Variants in SNX2 observed in about 807,000 individuals in gnomAD.
SNX2 encodes sorting nexin-2.
In SNX2, 25 loss-of-function variants were observed where a neutral mutation model predicts 69.9. That is an observed-to-expected ratio of 0.36 (90% confidence interval 0.26 to 0.50). The LOEUF is 0.50. Ranked by LOEUF, SNX2 falls within the 20% of genes least tolerant of loss-of-function variation. The pLI is 0.97. For missense variants in SNX2, 551 were observed against 613.3 expected (o/e 0.90, Z 1.07); for synonymous variants, 229 against 200.4 (o/e 1.14, Z -1.20).
chr5:122,827,469 A>G lies in SNX2; in HGVS notation c.1437+10A>G, dbSNP rs370496841. 4 of 1,611,580 alleles carry G rather than the reference A, an allele frequency of 2.5e-6. No homozygotes were observed. The highest frequency in any genetic ancestry group is 3.4e-6 in the Non-Finnish European group (4 of 1,178,126). ...AGTGGGAAGATTTGAGGCATGTATAATAATTTTGCATTTATCTTAACAACA... is the reference window on the plus strand; with the variant it reads ...AGTGGGAAGATTTGAGGCATGTATAGTAATTTTGCATTTATCTTAACAACA... On this transcript the variant is annotated intron_variant, in intron 13 of 14. Coordinates refer to ENST00000379516, the MANE Select transcript of SNX2 (RefSeq NM_003100.4).
chr5:122,820,233 GTGTC>G (rs1462334496), intron 11 of SNX2, among the ~76,000 whole-genome samples: 1 of 152,156 alleles, frequency 6.6e-6, no homozygotes, highest in Non-Finnish European at 1.5e-5. Flanking sequence ...GAGTTGGGCA[GTGTC>G]TGTAAGAATA....
rs375381703 is a variant in SNX2 at position 122,784,496 on chromosome 5, T to C, written c.108+9285T>C. Among the ~76,000 whole-genome samples the C allele has an allele frequency of 1.1e-4, 17 of 152,168 alleles. No homozygotes were observed. The East Asian group carries it at 3.1e-3, about 28-fold the overall frequency. ...TTCTTTAGTTTATTGATAAGTTAGA[T>C]TATATTGATTTTTTTTTCTTTTTTT... On this transcript the variant is annotated intron_variant, in intron 1 of 14. Transcript: ENST00000379516.
At chr5:122,825,153 A>C (rs569722117) in intron 11 of SNX2, among the ~76,000 whole-genome samples, 5 of 152,294 alleles carry the variant, frequency 3.3e-5, no homozygotes, top group Non-Finnish European at 5.9e-5. Flanking sequence ...TTTGGAATAA[A>C]TTAAAATAAC....
At chr5:122,794,364 A>G (rs1426943299) in intron 1 of SNX2, among the ~76,000 whole-genome samples, 1 of 152,226 alleles carries the variant, frequency 6.6e-6, no homozygotes, top group Non-Finnish European at 1.5e-5. Context: ...TAGATGAAAT[A>G]TAAATGTCTT....
At chr5:122,777,300 G>T (rs772168734) in intron 1 of SNX2, among the ~76,000 whole-genome samples, 1 of 152,166 alleles carries the variant, frequency 6.6e-6, no homozygotes, top group Non-Finnish European at 1.5e-5. Flanking sequence ...TGCAAATTCG[G>T]ATTCTGTAGG....
intron 7 of SNX2, among the ~76,000 whole-genome samples, chr5:122,810,398 T>TAAAAAAAA (rs1561464624): frequency 2.5e-4 from 15 of 59,760 alleles, no homozygotes; most frequent in African/African-American, 5.3e-4. Flanking sequence ...GAATGATCAA[T>TAAAAAAAA]TAAAAAAAAA....
At chr5:122,776,685 C>G (rs936706082) in intron 1 of SNX2, among the ~76,000 whole-genome samples, 1 of 152,078 alleles carries the variant, frequency 6.6e-6, no homozygotes, top group African/African-American at 2.4e-5. Context: ...GACCTGTATT[C>G]CTTTTGGAGG....
At chr5:122,778,049 T>G (rs563841018) in intron 1 of SNX2, among the ~76,000 whole-genome samples, 1 of 152,344 alleles carries the variant, frequency 6.6e-6, no homozygotes, top group East Asian at 1.9e-4. Context: ...TTTTAACTTT[T>G]ACATATGAGT....
At position 122,809,710 on chromosome 5, in the gene SNX2, T is replaced by A. The variant is rs113170133; in HGVS notation, c.722+1355T>A. Among the ~76,000 whole-genome samples the A allele has an allele frequency of 5.3e-5, 8 of 152,284 alleles. No homozygotes were observed. The East Asian group carries it at 7.7e-4, about 15-fold the overall frequency. ...TTTCTCTAGGTCACAAATTTTTTTT[T>A]AAACTATTTCAAGGCAACTTATTTC... On this transcript the variant is annotated intron_variant, in intron 7 of 14. Transcript: ENST00000379516.
chr5:122,793,586 G>A (rs1056644917), intron 1 of SNX2, among the ~76,000 whole-genome samples: 2 of 152,006 alleles, frequency 1.3e-5, no homozygotes, highest in Non-Finnish European at 2.9e-5. Context: ...CAGTTTTTTT[G>A]TGTTATACTT....
At chr5:122,797,875 A>ATT (rs3839206) in intron 2 of SNX2, among the ~76,000 whole-genome samples, 30,377 of 152,076 alleles carry the variant, frequency 0.2, 3,460 homozygotes, top group East Asian at 0.46. Context: ...TTTAAGACAG[A>ATT]TTATATATAT....
intron 12 of SNX2, 116 bp from the exon 13 acceptor site, chr5:122,827,263 G>A: frequency 1.3e-6 from 1 of 770,792 alleles, no homozygotes; most frequent in Non-Finnish European, 2.1e-6. Context: ...ATTGTGCATT[G>A]CCAATATTGA....
chr5:122,801,529 C>A (rs938849509), intron 3 of SNX2, among the ~76,000 whole-genome samples: 9 of 151,364 alleles, frequency 5.9e-5, no homozygotes, highest in Admixed American at 2.6e-4. Context: ...TGCTTGAACC[C>A]AGGAGGTGGA....
intron 1 of SNX2, among the ~76,000 whole-genome samples, chr5:122,789,236 C>G (rs1218994232): frequency 6.6e-6 from 1 of 152,164 alleles, no homozygotes; most frequent in Non-Finnish European, 1.5e-5. Context: ...GGGACTTTGA[C>G]AGTGACCTAA....
intron 11 of SNX2, among the ~76,000 whole-genome samples, chr5:122,824,201 CAAA>C (rs398050704): frequency 5.9e-4 from 66 of 112,656 alleles, no homozygotes; most frequent in Admixed American, 6.5e-4. Context: ...GACTCTGTCT[CAAA>C]AAAAAAAAAA....
chr5:122,810,887 G>A (rs1308795578), intron 7 of SNX2, among the ~76,000 whole-genome samples: 4 of 152,166 alleles, frequency 2.6e-5, no homozygotes, highest in African/African-American at 9.7e-5. Context: ...CAAAGGAACT[G>A]GAATGGTTTC....
At position 122,818,869 on chromosome 5, in the gene SNX2, A is replaced by C; in HGVS notation, c.1058A>C (p.Asn353Thr). The change falls in exon 11 of 15, where the codon AAT (asparagine) becomes ACT (threonine). Residue 353 changes from asparagine (N) to threonine (T), a missense_variant. Asn to Thr is a moderately conservative substitution (Grantham distance 65). Around this residue, in one of 2 missense-constraint regions of SNX2, gnomAD observed 360 missense variants for 450.4 expected, o/e 0.80. Transcript: ENST00000379516. ...AFAKSAAMLG[N>T]SEDHTALSRA... ...GCTAAAAGTGCTGCCATGTTAGGTA[A>C]TTCTGAGGATCATACTGCTTTATCT... is the stretch of plus-strand genomic sequence containing the variant. The C allele has an allele frequency of 1.2e-6, 2 of 1,614,004 alleles. No individual in the cohort carries two copies. The highest frequency in any genetic ancestry group is 2.2e-5 in the South Asian group (2 of 91,064).
intron 11 of SNX2, among the ~76,000 whole-genome samples, chr5:122,822,283 G>A (rs2150016560): frequency 6.6e-6 from 1 of 152,196 alleles, no homozygotes; most frequent in Non-Finnish European, 1.5e-5. Context: ...TAGAGACGGG[G>A]TTTCACCTTG....
intron 11 of SNX2, among the ~76,000 whole-genome samples, chr5:122,822,302 G>T (rs1227857005): frequency 6.6e-6 from 1 of 152,082 alleles, no homozygotes; most frequent in Non-Finnish European, 1.5e-5. Flanking sequence ...TGCCAGGATG[G>T]CCTATCTCTT....
Sources: allele counts gnomAD v4.1 joint callset (sites outside exome capture counted in the v4.1 genomes callset), GRCh38; gene constraint gnomAD v4.1.1; regional missense constraint gnomAD v4.1.1; transcripts MANE v1.5; gene names NCBI Gene and HGNC (gene_info 2026-07-23, HGNC 2026-07-21).